Variants in CNTNAP5 observed in about 807,000 individuals in gnomAD.
The protein encoded by CNTNAP5 is contactin associated protein family member 5, also known as contactin-associated protein-like 5.
In CNTNAP5, 72 loss-of-function variants were observed where a neutral mutation model predicts 150.2. The ratio of observed to expected loss-of-function variants is 0.48; its 90% CI spans 0.40 to 0.58. The LOEUF is 0.58. Among genes scored for constraint, CNTNAP5 ranks in the 20% least tolerant of loss-of-function variants. The probability of loss-of-function intolerance (pLI) is 0.00; values close to 1 mark genes in which losing one functional copy is unlikely to be tolerated. For missense variants in CNTNAP5, 1,636 were observed against 1,626.2 expected, an observed-to-expected ratio of 1.01 and a Z score of -0.10; for synonymous variants, 672 against 619.8, an observed-to-expected ratio of 1.08 and a Z score of -1.25.
At chr2:124,515,978 C>G (rs143040172) in intron 8 of CNTNAP5, among the ~76,000 whole-genome samples, 2 of 152,120 alleles carry the variant, frequency 1.3e-5, no homozygotes, top group African/African-American at 4.8e-5. Flanking sequence ...TTGGATCTAG[C>G]AAGGTGTCCT....
intron 3 of CNTNAP5, among the ~76,000 whole-genome samples, chr2:124,350,141 C>G (rs1366952543): frequency 6.6e-6 from 1 of 151,912 alleles, no homozygotes; most frequent in Non-Finnish European, 1.5e-5. Context: ...CTTTGCCTCC[C>G]AAAGTACTGG....
intron 4 of CNTNAP5, among the ~76,000 whole-genome samples, chr2:124,419,960 T>TTTTC (rs1553466670): frequency 8.8e-4 from 15 of 16,964 alleles, no homozygotes; most frequent in African/African-American, 2.1e-3. Context: ...TTCTTTCCTT[T>TTTTC]TCTCTCTCTC....
At chr2:124,886,681 C>T (rs1678087614) in intron 21 of CNTNAP5, among the ~76,000 whole-genome samples, 1 of 152,044 alleles carries the variant, frequency 6.6e-6, no homozygotes, top group African/African-American at 2.4e-5. Flanking sequence ...ATGATATTTA[C>T]AGTTAAAACA....
intron 3 of CNTNAP5, among the ~76,000 whole-genome samples, chr2:124,384,925 C>T (rs1690890727): frequency 6.6e-6 from 1 of 152,114 alleles, no homozygotes; most frequent in Non-Finnish European, 1.5e-5. Flanking sequence ...AGAGTGCAGA[C>T]AGGTTGAACA....
intron 13 of CNTNAP5, among the ~76,000 whole-genome samples, chr2:124,704,089 CAAGGATTTCCCACAT>C (rs1679582099): frequency 6.6e-6 from 1 of 152,158 alleles, no homozygotes; most frequent in Non-Finnish European, 1.5e-5. Flanking sequence ...CACAGAAGGT[CAAGGATTTCCCACAT>C]TAAATTGCTT....
intron 9 of CNTNAP5, 23 bp from the exon 10 acceptor site, chr2:124,527,262 C>T: frequency 6.2e-7 from 1 of 1,602,742 alleles, no homozygotes; most frequent in South Asian, 1.1e-5. Context: ...CATTCTTCTT[C>T]ATCTTTTTTC....
intron 10 of CNTNAP5, among the ~76,000 whole-genome samples, chr2:124,533,168 T>C (rs1695148664): frequency 6.6e-6 from 1 of 152,120 alleles, no homozygotes; most frequent in African/African-American, 2.4e-5. Context: ...CAGATTTTCC[T>C]AAAGCATTAG....
chr2:124,502,398 G>C (rs984847370), intron 7 of CNTNAP5, among the ~76,000 whole-genome samples: 1 of 152,186 alleles, frequency 6.6e-6, no homozygotes, highest in African/African-American at 2.4e-5. Context: ...AGAACACTCA[G>C]AAGAGGGCTT....
chr2:124,528,205 G>A (rs902857635), intron 10 of CNTNAP5, among the ~76,000 whole-genome samples: 2 of 152,144 alleles, frequency 1.3e-5, no homozygotes, highest in African/African-American at 4.8e-5. Context: ...TTCAGTGCTT[G>A]CCTATGTGTT....
intron 8 of CNTNAP5, among the ~76,000 whole-genome samples, chr2:124,522,778 T>A (rs1405873565): frequency 6.6e-6 from 1 of 152,238 alleles, no homozygotes; most frequent in Non-Finnish European, 1.5e-5. Flanking sequence ...TCCAGACCTT[T>A]GTTTCTTTAT....
rs779213534 is a variant in CNTNAP5, at chr2:124,772,977, G to A, written c.2712G>A (p.Glu904=). The stretch of plus-strand genomic sequence containing the variant: ...GGAGCACCAGGGAGACGTCGGAGGA[G>A]GGCCATTTTCGACTGCAGCTGAACA... ...LPRSTRETSE[E]GHFRLQLNSQ... Residue 904 remains glutamate, a synonymous_variant, in exon 17 of 24, where the codon GAG becomes GAA. Transcript: ENST00000682447. 7.4e-6 allele frequency: 12 copies of A among 1,613,528 alleles called. No homozygotes were observed. The highest frequency in any genetic ancestry group is 1.0e-5 in the Non-Finnish European group (12 of 1,179,702).
Position 124,485,923 on chromosome 2 carries a change from G to A in CNTNAP5, c.1062+11041G>A, listed in dbSNP as rs1171180244. On this transcript the variant is annotated intron_variant, in intron 7 of 23. Transcript: ENST00000682447. Reference sequence around the variant, plus strand: ...AGAAATGTTTGCAGGGTCCAACTCCGCTACCGTTTGATTGAGCAATTTCAC... The same window carrying A: ...AGAAATGTTTGCAGGGTCCAACTCCACTACCGTTTGATTGAGCAATTTCAC... Among the ~76,000 whole-genome samples, 5 of 152,114 alleles carry A rather than the reference G, an allele frequency of 3.3e-5. No individual in the cohort carries two copies. In the East Asian group the frequency reaches 7.7e-4, roughly 24 times the overall value.
At chr2:124,606,055 A>G (rs141749297) in intron 11 of CNTNAP5, among the ~76,000 whole-genome samples, 327 of 152,176 alleles carry the variant, frequency 2.1e-3, no homozygotes, top group African/African-American at 7.5e-3. Context: ...TTGTTAGTAA[A>G]TTTGGAGTTA....
rs562270717 is a variant in CNTNAP5 at position 124,284,883 on chromosome 2, A to C, written c.381+42490A>C. Among the ~76,000 whole-genome samples the C allele has an allele frequency of 1.5e-3, 230 of 152,164 alleles. 2 individuals carry two copies. The highest frequency in any genetic ancestry group is 3.0e-3 in the Non-Finnish European group (201 of 67,992). ...GAGTCAGTGGGGAATGAGAGAAATG[A>C]CACTCCCAAGGGAAAGGCCTGTGTG... is the stretch of plus-strand genomic sequence containing the variant. On this transcript the variant is annotated intron_variant, in intron 3 of 23. Transcript: ENST00000682447.
At chr2:124,502,197 A>G (rs1235612026) in intron 7 of CNTNAP5, among the ~76,000 whole-genome samples, 1 of 152,124 alleles carries the variant, frequency 6.6e-6, no homozygotes, top group African/African-American at 2.4e-5. Flanking sequence ...CAATCCAGGA[A>G]CTCCTTAGAT....
At chr2:124,534,613 G>A (rs1409261111) in intron 10 of CNTNAP5, among the ~76,000 whole-genome samples, 1 of 152,096 alleles carries the variant, frequency 6.6e-6, no homozygotes, top group East Asian at 1.9e-4. Context: ...GGTGGCTCAC[G>A]CCTGTAGTCC....
intron 17 of CNTNAP5, among the ~76,000 whole-genome samples, chr2:124,788,591 C>CTTTA: frequency 6.9e-6 from 1 of 145,174 alleles, no homozygotes; most frequent in East Asian, 2.0e-4. Context: ...CTTTCTTTTT[C>CTTTA]TTTCTTTCTT....
chr2:124,870,907 C>A (rs779863860), intron 21 of CNTNAP5, among the ~76,000 whole-genome samples: 1 of 151,946 alleles, frequency 6.6e-6, no homozygotes, highest in Non-Finnish European at 1.5e-5. Context: ...CTTGCTACAG[C>A]CCTCAAGCTT....
At chr2:124,844,281 C>G (rs1683002146) in intron 19 of CNTNAP5, among the ~76,000 whole-genome samples, 1 of 151,982 alleles carries the variant, frequency 6.6e-6, no homozygotes, top group East Asian at 1.9e-4. Flanking sequence ...CCTTTCCCCA[C>G]TTTATGTTTT....
Sources: gnomAD v4.1 joint callset for allele counts (sites outside exome capture counted in the v4.1 genomes callset) on GRCh38, gnomAD v4.1.1 for gene constraint, MANE v1.5 for transcripts, NCBI Gene and HGNC (gene_info 2026-07-23, HGNC 2026-07-21) for gene names.